Variants in GPHN observed in about 807,000 individuals in gnomAD.
The protein encoded by GPHN is gephyrin.
A neutral mutation model predicts 95.5 loss-of-function variants in GPHN; 17 were observed. The ratio of observed to expected loss-of-function variants is 0.18; its 90% confidence interval spans 0.12 to 0.27. GPHN has a LOEUF of 0.27. GPHN is among the 10% of genes least tolerant of loss of function. The pLI, the probability that GPHN is intolerant of heterozygous loss-of-function variation, is 1.00. For missense variants in GPHN, 660 were observed against 978.1 expected (o/e 0.67, Z 4.34); for synonymous variants, 320 against 322.5 (o/e 0.99, Z 0.08).
At chr14:66,599,465 A>G (rs2062134875) in intron 1 of GPHN, among the ~76,000 whole-genome samples, 1 of 109,100 alleles carries the variant, frequency 9.2e-6, no homozygotes, top group African/African-American at 4.0e-5. Context: ...CTTCTCGATT[A>G]TTTTAACTAA....
intron 3 of GPHN, among the ~76,000 whole-genome samples, chr14:66,778,298 C>G (rs1162697776): frequency 6.6e-6 from 1 of 152,188 alleles, no homozygotes; most frequent in African/African-American, 2.4e-5. Context: ...AGGAGAACTA[C>G]AAACCACTGC....
the GPHN span, chr14:67,321,047 GT>G: frequency 6.2e-7 from 1 of 1,613,508 alleles, no homozygotes. Context: ...ATCTGATTTT[GT>G]TTGCCTAGAT....
At chr14:67,350,753 A>G in the GPHN span, 1 of 1,443,514 alleles carries the variant, frequency 6.9e-7, no homozygotes. Context: ...ATTCCATCAT[A>G]ATTATGTTCC....
chr14:66,892,348 C>T lies in GPHN; in HGVS notation c.389+12315C>T, dbSNP rs543836274. On this transcript the variant is annotated intron_variant, in intron 5 of 22. Transcript: ENST00000478722. ...TGAGGGAGGAGTATCACTTGAGCCC[C>T]GGAATTCGAGGTTACAGTGAGCTGT... Among the ~76,000 whole-genome samples the T allele has an allele frequency of 5.9e-5, 9 of 152,176 alleles. No individual in the cohort carries two copies. The South Asian group carries it at 6.2e-4, about 11-fold the overall frequency.
chr14:67,464,831 C>G, the GPHN span, among the ~76,000 whole-genome samples: 3 of 152,314 alleles, frequency 2.0e-5, no homozygotes, highest in South Asian at 6.2e-4. Flanking sequence ...TGCTTTCAAC[C>G]TGGAGTGCCT....
the GPHN span, among the ~76,000 whole-genome samples, chr14:67,377,144 T>C: frequency 1.3e-5 from 2 of 152,216 alleles, no homozygotes; most frequent in East Asian, 1.9e-4. Context: ...CTGCCTTTTC[T>C]CTCTTATCCA....
chr14:67,699,004 A>G, the GPHN span, among the ~76,000 whole-genome samples: 1 of 152,124 alleles, frequency 6.6e-6, no homozygotes, highest in Non-Finnish European at 1.5e-5. Context: ...TAATCCCAGC[A>G]CTTTGGGAGG....
intron 2 of GPHN, among the ~76,000 whole-genome samples, chr14:66,738,303 C>G (rs2072475193): frequency 6.6e-6 from 1 of 152,196 alleles, no homozygotes; most frequent in Non-Finnish European, 1.5e-5. Context: ...AGACTTTCTT[C>G]TTACCCTAAA....
chr14:67,382,767 C>A, the GPHN span: 1 of 641,140 alleles, frequency 1.6e-6, no homozygotes, highest in Non-Finnish European at 2.7e-6. Flanking sequence ...AGGGAATAAA[C>A]AATATAAATG....
chr14:67,422,310 C>T, the GPHN span, among the ~76,000 whole-genome samples: 1 of 152,278 alleles, frequency 6.6e-6, no homozygotes, highest in South Asian at 2.1e-4. Context: ...AAGGCTCTGA[C>T]CTAACGCTTT....
the GPHN span, chr14:67,575,815 G>C: frequency 6.2e-7 from 1 of 1,610,880 alleles, no homozygotes; most frequent in Non-Finnish European, 8.5e-7. Context: ...GAAGACTGCT[G>C]TCCACAGCGA....
At chr14:67,425,173 C>T in the GPHN span, among the ~76,000 whole-genome samples, 1 of 152,096 alleles carries the variant, frequency 6.6e-6, no homozygotes, top group South Asian at 2.1e-4. Flanking sequence ...CAGCCTCAAA[C>T]TCTGGGCTCA....
chr14:66,661,636 A>G (rs538300311), intron 1 of GPHN, among the ~76,000 whole-genome samples: 2 of 152,204 alleles, frequency 1.3e-5, no homozygotes, highest in South Asian at 2.1e-4. Flanking sequence ...CTAATACAAC[A>G]TGGCCGACTA....
At chr14:67,100,578 C>T (rs1396358552) in intron 12 of GPHN, among the ~76,000 whole-genome samples, 3 of 152,092 alleles carry the variant, frequency 2.0e-5, no homozygotes, top group Admixed American at 6.5e-5. Context: ...GTGGAAATTA[C>T]GAGGTGACAG....
chr14:67,705,535 T>C, the GPHN span, among the ~76,000 whole-genome samples: 1 of 152,160 alleles, frequency 6.6e-6, no homozygotes, highest in African/African-American at 2.4e-5. Flanking sequence ...CACAACTAAA[T>C]GCAATGTGGG....
intron 1 of GPHN, among the ~76,000 whole-genome samples, chr14:66,675,414 G>A (rs2066531030): frequency 6.6e-6 from 1 of 152,046 alleles, no homozygotes; most frequent in South Asian, 2.1e-4. Context: ...AAAGTGCTGG[G>A]ATGACAGGTG....
At chr14:67,484,485 C>G in the GPHN span, among the ~76,000 whole-genome samples, 1 of 152,216 alleles carries the variant, frequency 6.6e-6, no homozygotes, top group African/African-American at 2.4e-5. Context: ...GTGCTCACAG[C>G]TGAAATTTAA....
intron 21 of GPHN, among the ~76,000 whole-genome samples, chr14:67,171,388 AAAAG>A (rs2082590598): frequency 6.6e-6 from 1 of 152,044 alleles, no homozygotes; most frequent in African/African-American, 2.4e-5. Context: ...AAAAAAAAGA[AAAAG>A]AAAAAGAAAG....
chr14:66,967,683 T>A lies in GPHN; in HGVS notation c.963+2358T>A, dbSNP rs114847497. Among the ~76,000 whole-genome samples, 833 of 151,934 alleles carry A rather than the reference T, an allele frequency of 5.5e-3. 3 individuals carry two copies. Among genetic ancestry groups the A allele is most frequent in the African/African-American group, 0.019 (796 of 41,504 alleles). ...AGATAGGGATGCTCAACATGTAAAA[T>A]AAACAGGTAGATAATAACTTTAATA... On this transcript the variant is annotated intron_variant, in intron 9 of 22. Transcript: ENST00000478722.
Sources: gnomAD v4.1 joint callset for allele counts (sites outside exome capture counted in the v4.1 genomes callset) on GRCh38, gnomAD v4.1.1 for gene constraint, MANE v1.5 for transcripts, NCBI Gene and HGNC (gene_info 2026-07-23, HGNC 2026-07-21) for gene names.